The following PIAS2 variants were observed in gnomAD, a reference collection of about 807,000 sequenced individuals.
The protein encoded by PIAS2 is protein inhibitor of activated STAT 2.
In PIAS2, 19 loss-of-function variants were observed where a neutral mutation model predicts 69.7. That is an observed-to-expected ratio of 0.27 (90% CI 0.19 to 0.40). The LOEUF (loss-of-function observed/expected upper bound fraction) is 0.40. Ranked by LOEUF, PIAS2 falls within the 10% of genes least tolerant of loss-of-function variation. The probability of loss-of-function intolerance (pLI) is 1.00; values close to 1 mark genes in which losing one functional copy is unlikely to be tolerated. For synonymous variants in PIAS2, 261 were observed against 263.2 expected (o/e 0.99, Z 0.08); for missense variants, 624 against 757.0 (o/e 0.82, Z 2.06).
chr18:46,851,259 G>C (rs2046928187), intron 5 of PIAS2, among the ~76,000 whole-genome samples: 1 of 152,194 alleles, frequency 6.6e-6, no homozygotes, highest in African/African-American at 2.4e-5. Context: ...GAACTACTTG[G>C]AGATTGCTGC....
chr18:46,828,931 C>T (rs2144948856), intron 10 of PIAS2, among the ~76,000 whole-genome samples: 1 of 152,308 alleles, frequency 6.6e-6, no homozygotes, highest in East Asian at 1.9e-4. Context: ...ACCTTGGTCA[C>T]TGCACTCAGG....
At chr18:46,850,948 AATT>A (rs2145356417) in intron 5 of PIAS2, among the ~76,000 whole-genome samples, 1 of 152,318 alleles carries the variant, frequency 6.6e-6, no homozygotes, top group African/African-American at 2.4e-5. Context: ...GCTTTAGTAT[AATT>A]ATTATAAGCA....
intron 3 of PIAS2, among the ~76,000 whole-genome samples, chr18:46,856,213 G>A (rs960652021): frequency 6.6e-5 from 10 of 151,912 alleles, no homozygotes; most frequent in African/African-American, 2.2e-4. Context: ...GTGTTAGCCA[G>A]GATGGTCTTG....
chr18:46,862,075 T>TA (rs146069491), intron 3 of PIAS2, among the ~76,000 whole-genome samples: 2,302 of 152,332 alleles, frequency 0.015, 47 homozygotes, highest in African/African-American at 0.048. Flanking sequence ...CTCACGCCTG[T>TA]AATCCCAGCA....
intron 8 of PIAS2, among the ~76,000 whole-genome samples, chr18:46,838,995 T>G (rs1322022139): frequency 6.6e-6 from 1 of 152,184 alleles, no homozygotes; most frequent in Non-Finnish European, 1.5e-5. Flanking sequence ...AGATAACCGG[T>G]TTTTTATATC....
chr18:46,864,545 T>G (rs1313197409), intron 2 of PIAS2, among the ~76,000 whole-genome samples: 1 of 152,076 alleles, frequency 6.6e-6, no homozygotes, highest in Non-Finnish European at 1.5e-5. Flanking sequence ...CCAAGGTGGG[T>G]GGATCACCTG....
chr18:46,914,187 C>T (rs1035528237), intron 1 of PIAS2, among the ~76,000 whole-genome samples: 2 of 152,160 alleles, frequency 1.3e-5, no homozygotes, highest in Non-Finnish European at 2.9e-5. Flanking sequence ...ATATATAACA[C>T]ATTATTGTAA....
chr18:46,854,000 A>G (rs1359868135), intron 5 of PIAS2: 1 of 152,312 alleles, frequency 6.6e-6, no homozygotes, highest in East Asian at 1.9e-4. Flanking sequence ...GCATCTTTCA[A>G]AAAGAGTCAC....
intron 5 of PIAS2, among the ~76,000 whole-genome samples, chr18:46,850,009 T>A (rs947696356): frequency 9.2e-5 from 14 of 152,208 alleles, no homozygotes; most frequent in African/African-American, 3.1e-4. Context: ...ATCACAATTT[T>A]AAAAAATCAC....
intron 5 of PIAS2, among the ~76,000 whole-genome samples, chr18:46,854,505 C>T (rs2047446712): frequency 6.6e-6 from 1 of 152,166 alleles, no homozygotes; most frequent in South Asian, 2.1e-4. Context: ...GGCCTTCTTA[C>T]AGAATGGTAC....
intron 1 of PIAS2, among the ~76,000 whole-genome samples, chr18:46,898,697 T>C (rs147618771): frequency 3.7e-3 from 563 of 152,114 alleles, no homozygotes; most frequent in Non-Finnish European, 6.4e-3. Flanking sequence ...AACTATAGAA[T>C]AAAAGAAGCT....
chr18:46,849,296 G>C (rs991004412), intron 5 of PIAS2, among the ~76,000 whole-genome samples: 3 of 152,094 alleles, frequency 2.0e-5, no homozygotes, highest in African/African-American at 7.2e-5. Flanking sequence ...TGGTAATTCT[G>C]AGTTATCTGA....
chr18:46,810,482 A>G lies in PIAS2; in HGVS notation c.*1951T>C, dbSNP rs1250924549. 2.0e-5 allele frequency: 3 copies of G among 152,190 alleles called. No individual in the cohort carries two copies. The highest frequency in any genetic ancestry group is 6.5e-5 in the Admixed American group (1 of 15,282). 9.4% of individuals were successfully genotyped at this position (152,190 alleles called of 1,614,324 possible). ...TAAAACTTTATTAGAAAGAAATACT[A>G]TATCTGGACCAAAAAACTGCAACAT... is the stretch of plus-strand genomic sequence containing the variant. On this transcript the variant is annotated 3_prime_UTR_variant, in exon 14 of 14. Transcript: ENST00000585916.
intron 2 of PIAS2, among the ~76,000 whole-genome samples, chr18:46,871,050 G>A (rs1312500019): frequency 6.6e-6 from 1 of 152,202 alleles, no homozygotes; most frequent in East Asian, 1.9e-4. Context: ...AAGAGCAAAT[G>A]AGACAATATG....
At chr18:46,888,394 C>CA (rs2053538778) in intron 2 of PIAS2, among the ~76,000 whole-genome samples, 1 of 151,568 alleles carries the variant, frequency 6.6e-6, no homozygotes, top group Non-Finnish European at 1.5e-5. Context: ...TAGAAAAACT[C>CA]ATTCTAAAAT....
In PIAS2 at chr18:46,816,698, G is replaced by GCT. The variant is rs2144739544; in HGVS notation, c.1649-1351_1649-1350dup. 4 of 597,706 alleles carry GCT rather than the reference G, an allele frequency of 6.7e-6. No individual in the cohort carries two copies. In the South Asian group the frequency reaches 2.9e-4, roughly 44 times the overall value. The allele number at this position is 597,706 out of a possible 1,614,324, so 37.0% of individuals were successfully genotyped here. A position where few individuals can be genotyped will look rare whatever the true frequency, so the allele number is the denominator to read the frequency against. On this transcript the variant is annotated intron_variant, in intron 12 of 13. Coordinates refer to ENST00000585916, the MANE Select transcript of PIAS2 (RefSeq NM_004671.5). ...GCCTAGGTTGGTTTTGAACTCCAGA[G>GCT]CTCAAGTGATCCTCCCGCCTCAGCC...
At chr18:46,882,907 C>T (rs965684129) in intron 2 of PIAS2, among the ~76,000 whole-genome samples, 1 of 152,040 alleles carries the variant, frequency 6.6e-6, no homozygotes, top group African/African-American at 2.4e-5. Flanking sequence ...GCCTGGACAA[C>T]ATGGTGAAAC....
intron 1 of PIAS2, chr18:46,905,930 G>A (rs1261704913): frequency 1.3e-5 from 2 of 152,056 alleles, no homozygotes; most frequent in Non-Finnish European, 2.9e-5. Flanking sequence ...TACTCATTAT[G>A]AGAGACAAAA....
intron 11 of PIAS2, among the ~76,000 whole-genome samples, chr18:46,824,585 G>T (rs2042584420): frequency 1.3e-5 from 2 of 152,130 alleles, no homozygotes; most frequent in Non-Finnish European, 2.9e-5. Context: ...AAAGGGAATA[G>T]GACTGCCATC....
Sources: allele counts gnomAD v4.1 joint callset (sites outside exome capture counted in the v4.1 genomes callset), GRCh38; gene constraint gnomAD v4.1.1; transcripts MANE v1.5; gene names NCBI Gene and HGNC (gene_info 2026-07-23, HGNC 2026-07-21).